Variants in CAPN5 observed in about 807,000 individuals in gnomAD.
The protein encoded by CAPN5 is calpain-5.
Under a neutral mutation model 73.0 loss-of-function variants are expected in CAPN5, and 54 were observed. The observed-to-expected ratio is 0.74, with a 90% confidence interval of 0.59 to 0.93. The LOEUF (loss-of-function observed/expected upper bound fraction) is 0.93, where lower values mean the gene tolerates loss of function less well. Ranked by LOEUF, CAPN5 falls within the 40% of genes least tolerant of loss-of-function variation. The pLI is 0.00. For synonymous variants in CAPN5, 335 were observed against 356.9 expected (o/e 0.94, Z 0.69); for missense variants, 785 against 882.9 (o/e 0.89, Z 1.41).
chr11:77,097,477 T>TA, intron 3 of CAPN5, among the ~76,000 whole-genome samples: 1 of 143,274 alleles, frequency 7.0e-6, no homozygotes, highest in Non-Finnish European at 1.5e-5. Context: ...TTTTTTTTTT[T>TA]TTTTTTTTTT....
chr11:77,112,832 C>G (rs782094391), intron 4 of CAPN5, 35 bp downstream of exon 4: 48 of 1,601,208 alleles, frequency 3.0e-5, no homozygotes, highest in Non-Finnish European at 3.7e-5. Context: ...GGTGGGAGGC[C>G]CAGACGGGGG....
chr11:77,093,629 G>T, intron 2 of CAPN5, 53 bp from the exon 3 acceptor site: 8 of 1,520,646 alleles, frequency 5.3e-6, no homozygotes, highest in South Asian at 1.2e-5. Context: ...CTGCCATGGG[G>T]GGCATCCGCA....
At chr11:77,091,459 T>A (rs2135432509) in intron 2 of CAPN5, among the ~76,000 whole-genome samples, 1 of 152,288 alleles carries the variant, frequency 6.6e-6, no homozygotes, top group East Asian at 1.9e-4. Context: ...GGACATGGTA[T>A]TACACCTCCC....
At chr11:77,079,077 C>G (rs1276757542) in intron 1 of CAPN5, among the ~76,000 whole-genome samples, 1 of 151,990 alleles carries the variant, frequency 6.6e-6, no homozygotes, top group East Asian at 1.9e-4. Context: ...GTTGAACCAT[C>G]CTTGCATCCT....
At chr11:77,115,633 G>C in intron 6 of CAPN5, 45 bp downstream of exon 6, 1 of 1,525,158 alleles carries the variant, frequency 6.6e-7, no homozygotes, top group Non-Finnish European at 9.0e-7. Context: ...ATGAGGGCTT[G>C]GACAAGGACG....
At chr11:77,087,821 TC>T in intron 2 of CAPN5, 1 of 1,361,892 alleles carries the variant, frequency 7.3e-7, no homozygotes. Flanking sequence ...GGTTGGGACA[TC>T]CCATCTCCTA....
At chr11:77,123,129 C>T (rs1017718162) in intron 12 of CAPN5, among the ~76,000 whole-genome samples, 4 of 152,348 alleles carry the variant, frequency 2.6e-5, no homozygotes, top group Middle Eastern at 3.4e-3. Context: ...CCCATGGCTT[C>T]CTTCTCCTCT....
intron 2 of CAPN5, among the ~76,000 whole-genome samples, chr11:77,092,235 C>CA (rs1244049412): frequency 4.6e-5 from 7 of 152,252 alleles, no homozygotes; most frequent in Non-Finnish European, 7.4e-5. Context: ...AAAACAAAAA[C>CA]AAAAAACCCC....
At chr11:77,080,094 T>G (rs1187045950) in intron 1 of CAPN5, among the ~76,000 whole-genome samples, 1 of 152,200 alleles carries the variant, frequency 6.6e-6, no homozygotes, top group East Asian at 1.9e-4. Context: ...CCAGCACCAT[T>G]TATTGAAAAG....
rs2135494297 is a variant in CAPN5, at chr11:77,124,741, G to C, written c.*871G>C. 6.6e-6 allele frequency: 1 copy of C among 152,474 alleles called. No homozygotes were observed. The highest frequency in any genetic ancestry group is 2.1e-4 in the South Asian group (1 of 4,828). 9.4% of individuals were successfully genotyped at this position (152,474 alleles called of 1,614,324 possible). ...AGCTGGGGGCCTTTGGGGACCAGAA[G>C]GGGAGATGTGCTCCCAGAGCCTCTC... On this transcript the variant is annotated 3_prime_UTR_variant, in exon 13 of 13. Coordinates refer to ENST00000648180, the MANE Select transcript of CAPN5 (RefSeq NM_004055.5).
At chr11:77,105,449 G>A (rs34950930) in intron 3 of CAPN5, among the ~76,000 whole-genome samples, 12,907 of 152,292 alleles carry the variant, frequency 0.085, 584 homozygotes, top group Middle Eastern at 0.2. Flanking sequence ...GAGCTGTGCT[G>A]AGGGAGGTGC....
chr11:77,103,597 G>A (rs1555039387), intron 3 of CAPN5, among the ~76,000 whole-genome samples: 2 of 152,180 alleles, frequency 1.3e-5, no homozygotes, highest in South Asian at 2.1e-4. Context: ...CCTACTAGGG[G>A]CCAGTGTGCA....
intron 7 of CAPN5, among the ~76,000 whole-genome samples, chr11:77,117,247 G>GA (rs1457544660): frequency 6.6e-6 from 1 of 152,078 alleles, no homozygotes; most frequent in African/African-American, 2.4e-5. Context: ...AAAACAAAAA[G>GA]AAAAACCCCA....
At chr11:77,073,037 C>A (rs1276399735) in intron 1 of CAPN5, 9 of 1,277,726 alleles carry the variant, frequency 7.0e-6, no homozygotes, top group Non-Finnish European at 9.2e-6. Flanking sequence ...CCCCACCCCA[C>A]CCCGGGTGAG....
intron 6 of CAPN5, 103 bp downstream of exon 6, chr11:77,115,691 C>T: frequency 1.1e-6 from 1 of 877,958 alleles, no homozygotes; most frequent in Non-Finnish European, 1.8e-6. Flanking sequence ...CTTGAAGGAT[C>T]TGGGGGAGGA....
chr11:77,070,723 A>G (rs1555032904), intron 1 of CAPN5, among the ~76,000 whole-genome samples: 10 of 152,188 alleles, frequency 6.6e-5, no homozygotes. Context: ...TCCGGAGATG[A>G]GAAGTCCCCC....
At chr11:77,084,699 C>G (rs559802265) in intron 1 of CAPN5, among the ~76,000 whole-genome samples, 153 bp from the exon 2 acceptor site, 37 of 152,310 alleles carry the variant, frequency 2.4e-4, no homozygotes, top group South Asian at 6.2e-4. Context: ...GTCTGTCCCA[C>G]TCTGCTGTAT....
chr11:77,125,684 G>A lies in CAPN5; in HGVS notation c.*1814G>A, dbSNP rs1301881144. 6.6e-6 allele frequency: 1 copy of A among 150,692 alleles called. No individual in the cohort carries two copies. The highest frequency in any genetic ancestry group is 2.1e-4 in the South Asian group (1 of 4,744). 9.3% of individuals were successfully genotyped at this position (150,692 alleles called of 1,614,324 possible). ...TTCTCGATGTCTATTTCAAATCAAGGCTCCTGAGTAGGGGGTGAAGTGAGC... is the reference window on the plus strand; with the variant it reads ...TTCTCGATGTCTATTTCAAATCAAGACTCCTGAGTAGGGGGTGAAGTGAGC... On this transcript the variant is annotated 3_prime_UTR_variant, in exon 13 of 13. Transcript: ENST00000648180.
At chr11:77,084,090 A>G (rs1297037695) in intron 1 of CAPN5, among the ~76,000 whole-genome samples, 11 of 152,164 alleles carry the variant, frequency 7.2e-5, no homozygotes, top group Non-Finnish European at 1.2e-4. Context: ...AGCATCTCTC[A>G]GCGCACCTGA....
Sources: allele counts gnomAD v4.1 joint callset (sites outside exome capture counted in the v4.1 genomes callset), GRCh38; gene constraint gnomAD v4.1.1; transcripts MANE v1.5; gene names NCBI Gene and HGNC (gene_info 2026-07-23, HGNC 2026-07-21).